VPS50: variants seen among roughly 807,000 people sequenced by gnomAD.
VPS50 encodes syndetin.
A neutral mutation model predicts 139.7 loss-of-function variants in VPS50; 70 were observed. That is an observed-to-expected ratio of 0.50 (90% CI 0.41 to 0.61). VPS50 has a LOEUF of 0.61. Among genes scored for constraint, VPS50 ranks in the 20% least tolerant of loss-of-function variants. The pLI, the probability that VPS50 is intolerant of heterozygous loss-of-function variation, is 0.00. For synonymous variants in VPS50, 365 were observed against 376.7 expected, an observed-to-expected ratio of 0.97 and a Z score of 0.36; for missense variants, 921 against 1,133.7, an observed-to-expected ratio of 0.81 and a Z score of 2.69.
At chr7:93,335,014 G>T (rs1798033968) in intron 22 of VPS50, among the ~76,000 whole-genome samples, 1 of 151,980 alleles carries the variant, frequency 6.6e-6, no homozygotes, top group Admixed American at 6.6e-5. Flanking sequence ...GCTTACCTCT[G>T]TTATTGAAGC....
chr7:93,341,567 G>T lies in VPS50; in HGVS notation c.2199G>T (p.Thr733=). ...GGTTGGCAGAAAGAGTGGTAGCCAC[G>T]GAATCCTTGTAAGTTGTTCAAAACA... ...LYGLAERVVA[T]ESLVFLAEQF... The change falls in exon 23 of 28, where the codon ACG becomes ACT. Residue 733 remains threonine, a synonymous_variant. Transcript: ENST00000305866. 6.2e-7 allele frequency: 1 copy of T among 1,603,562 alleles called. No individual in the cohort carries two copies. Among genetic ancestry groups the T allele is most frequent in the Non-Finnish European group, 8.5e-7 (1 of 1,176,052 alleles).
intron 20 of VPS50, chr7:93,321,180 G>A (rs952191333): frequency 6.6e-6 from 1 of 152,196 alleles, no homozygotes; most frequent in Non-Finnish European, 1.5e-5. Context: ...GGTATGCAAA[G>A]CCTAAACTAT....
At chr7:93,326,106 A>G (rs1797762787) in intron 21 of VPS50, among the ~76,000 whole-genome samples, 1 of 152,142 alleles carries the variant, frequency 6.6e-6, no homozygotes, top group Non-Finnish European at 1.5e-5. Flanking sequence ...ACCATAGAAT[A>G]CTATGCAGCC....
At chr7:93,270,781 C>T (rs571007978) in intron 9 of VPS50, among the ~76,000 whole-genome samples, 5 of 151,754 alleles carry the variant, frequency 3.3e-5, no homozygotes, top group East Asian at 1.9e-4. Context: ...TTTTTTCATT[C>T]GTTACAGTGT....
At chr7:93,337,102 C>G (rs990823553) in intron 22 of VPS50, among the ~76,000 whole-genome samples, 1 of 152,180 alleles carries the variant, frequency 6.6e-6, no homozygotes, top group African/African-American at 2.4e-5. Flanking sequence ...TTTCGTGACT[C>G]TCTTGCTCTC....
At chr7:93,259,459 T>G (rs899009580) in intron 8 of VPS50, 91 bp from the exon 9 acceptor site, 5 of 620,872 alleles carry the variant, frequency 8.1e-6, no homozygotes, top group Non-Finnish European at 2.9e-6. Context: ...TCTGTAACTT[T>G]TGGTTAGAAT....
At chr7:93,347,875 T>G (rs1307004215) in intron 23 of VPS50, among the ~76,000 whole-genome samples, 1 of 150,112 alleles carries the variant, frequency 6.7e-6, no homozygotes, top group Non-Finnish European at 1.5e-5. Context: ...TACCTAATGC[T>G]AGATGACGAG....
chr7:93,253,375 A>T (rs765314787), intron 3 of VPS50, among the ~76,000 whole-genome samples: 10 of 152,196 alleles, frequency 6.6e-5, no homozygotes, highest in Non-Finnish European at 1.5e-4. Flanking sequence ...CTGAAAGCTG[A>T]TGTAATCCAG....
Position 93,323,690 on chromosome 7 carries a change from T to C in VPS50, c.1935T>C (p.Tyr645=), listed in dbSNP as rs752182124. The C allele has an allele frequency of 7.0e-7, 1 of 1,423,268 alleles. No homozygotes were observed. The highest frequency in any genetic ancestry group is 1.4e-5 in the South Asian group (1 of 69,810). 88.2% of individuals were successfully genotyped at this position (1,423,268 alleles called of 1,614,324 possible). Residue 645 remains tyrosine (Y), a synonymous_variant, in exon 21 of 28, where the codon TAT becomes TAC. Coordinates refer to ENST00000305866, the MANE Select transcript of VPS50 (RefSeq NM_017667.4). The part of the protein sequence containing the change: ...VIHFMSQLFD[Y]YLYAIYTFFG... ...ATTTCATGTCTCAACTATTTGATTA[T>C]TACTTGTATGCAATATATACCTTTT... is the stretch of plus-strand genomic sequence containing the variant.
chr7:93,272,985 T>C (rs557439726), intron 11 of VPS50: 5 of 219,628 alleles, frequency 2.3e-5, no homozygotes, highest in South Asian at 2.2e-4. Flanking sequence ...CAATTTTATG[T>C]AGATTTTCCA....
At chr7:93,246,184 A>G in intron 2 of VPS50, 1 of 1,050,098 alleles carries the variant, frequency 9.5e-7, no homozygotes, top group South Asian at 1.4e-5. Flanking sequence ...TATGTTGACG[A>G]ATGAAGAAAT....
chr7:93,295,971 C>T (rs1351058484), intron 14 of VPS50, among the ~76,000 whole-genome samples: 1 of 152,178 alleles, frequency 6.6e-6, no homozygotes, highest in Non-Finnish European at 1.5e-5. Context: ...AGTGATATTC[C>T]TGCCTTGGCC....
At chr7:93,312,446 T>G (rs1797296843) in intron 20 of VPS50, among the ~76,000 whole-genome samples, 1 of 152,140 alleles carries the variant, frequency 6.6e-6, no homozygotes, top group African/African-American at 2.4e-5. Context: ...TGACTCCCAG[T>G]CATTGGAAAC....
At chr7:93,286,337 C>T (rs144913570) in intron 12 of VPS50, among the ~76,000 whole-genome samples, 77 of 152,212 alleles carry the variant, frequency 5.1e-4, no homozygotes, top group African/African-American at 1.8e-3. Flanking sequence ...TATGGTGCTC[C>T]TCTGCTATGA....
chr7:93,301,165 C>T (rs1194298190), intron 16 of VPS50, among the ~76,000 whole-genome samples: 3 of 151,826 alleles, frequency 2.0e-5, no homozygotes, highest in South Asian at 2.1e-4. Flanking sequence ...GGCGTGGTGG[C>T]GGGTGCCTGT....
chr7:93,268,339 T>G (rs1317442561), intron 9 of VPS50, among the ~76,000 whole-genome samples: 1 of 152,178 alleles, frequency 6.6e-6, no homozygotes, highest in African/African-American at 2.4e-5. Flanking sequence ...TTTTCATTAT[T>G]TTAAGTTCCG....
intron 16 of VPS50, among the ~76,000 whole-genome samples, chr7:93,301,893 G>T (rs889745602): frequency 6.6e-6 from 1 of 152,126 alleles, no homozygotes; most frequent in Non-Finnish European, 1.5e-5. Flanking sequence ...CTGTATGAGG[G>T]TTCCAATTTC....
At chr7:93,329,441 C>T (rs1420032137) in intron 21 of VPS50, among the ~76,000 whole-genome samples, 1 of 151,740 alleles carries the variant, frequency 6.6e-6, no homozygotes, top group African/African-American at 2.4e-5. Context: ...AAAAAAGTCT[C>T]ACAAACATGT....
Position 93,353,725 on chromosome 7 carries a change from A to G in VPS50, c.2549A>G (p.His850Arg), listed in dbSNP as rs1377713717. 1.9e-6 allele frequency: 3 copies of G among 1,611,384 alleles called. No homozygotes were observed. The highest frequency in any genetic ancestry group is 2.5e-6 in the Non-Finnish European group (3 of 1,178,424). ...CCTGTGTCTAATATACTTTGGGAAC[A>G]TTGTATACGATTGGCTAATCGAACT... The part of the protein sequence containing the change: ...PLPVSNILWE[H>R]CIRLANRTIV... The change falls in exon 26 of 28, where the codon CAT (histidine) becomes CGT (arginine). Residue 850 changes from histidine to arginine, a missense_variant. His to Arg is a conservative substitution (Grantham distance 29). Around this residue, in one of 3 missense-constraint regions of VPS50, gnomAD observed 158 missense variants for 156.3 expected, o/e 1.01. Transcript: ENST00000305866.
Sources: allele counts gnomAD v4.1 joint callset (sites outside exome capture counted in the v4.1 genomes callset), GRCh38; gene constraint gnomAD v4.1.1; regional missense constraint gnomAD v4.1.1; transcripts MANE v1.5; gene names NCBI Gene and HGNC (gene_info 2026-07-23, HGNC 2026-07-21).